Variants in CDH13 observed in about 807,000 individuals in gnomAD.
CDH13 encodes the protein cadherin-13.
A neutral mutation model predicts 63.8 loss-of-function variants in CDH13; 24 were observed. The ratio of observed to expected loss-of-function variants is 0.38; its 90% CI spans 0.27 to 0.53. The LOEUF (loss-of-function observed/expected upper bound fraction) is 0.53, where lower values mean the gene tolerates loss of function less well. Ranked by LOEUF, CDH13 falls within the 20% of genes least tolerant of loss-of-function variation. The probability of loss-of-function intolerance (pLI) is 0.85; values close to 1 mark genes in which losing one functional copy is unlikely to be tolerated. For synonymous variants in CDH13, 503 were observed against 355.3 expected, an observed-to-expected ratio of 1.42 and a Z score of -4.67; for missense variants, 1,049 against 903.1, an observed-to-expected ratio of 1.16 and a Z score of -2.07.
At chr16:83,485,251 G>T (rs2073860019) in intron 6 of CDH13, among the ~76,000 whole-genome samples, 1 of 152,184 alleles carries the variant, frequency 6.6e-6, no homozygotes, top group Non-Finnish European at 1.5e-5. Context: ...ACGTGCAGTT[G>T]TTTCTGAAAG....
chr16:83,252,076 A>AGTATATAT (rs201928957), intron 5 of CDH13, among the ~76,000 whole-genome samples: 1 of 141,076 alleles, frequency 7.1e-6, no homozygotes, highest in African/African-American at 2.6e-5. Context: ...ATATATATAT[A>AGTATATAT]GTATATATGT....
Position 83,486,526 on chromosome 16 carries a change from C to T in CDH13, c.831C>T (p.Thr277=), listed in dbSNP as rs542715718. The T allele has an allele frequency of 6.6e-5, 107 of 1,613,820 alleles. No individual in the cohort carries two copies. Among genetic ancestry groups the T allele is most frequent in the Middle Eastern group, 1.7e-4 (1 of 6,056 alleles). The change falls in exon 7 of 14, where the codon ACC becomes ACT. Residue 277 remains threonine, a synonymous_variant. Coordinates refer to ENST00000567109, the MANE Select transcript of CDH13 (RefSeq NM_001257.5). ...MTAFDADDPA[T]DNALLRYNIR... ...CCTTTGATGCAGATGACCCAGCCAC[C>T]GATAATGCCCTCCTGCGGTATAATA...
At chr16:82,691,167 C>A (rs1915608515) in intron 1 of CDH13, among the ~76,000 whole-genome samples, 1 of 152,128 alleles carries the variant, frequency 6.6e-6, no homozygotes, top group African/African-American at 2.4e-5. Flanking sequence ...CCTTCAGGGA[C>A]CCTCGTGGAG....
intron 1 of CDH13, among the ~76,000 whole-genome samples, chr16:82,817,799 C>T: frequency 6.6e-6 from 1 of 151,990 alleles, no homozygotes; most frequent in Admixed American, 6.6e-5. Context: ...AGTGAGACTC[C>T]ATCTCAAAAA....
chr16:83,667,678 G>T (rs569374195), intron 8 of CDH13, among the ~76,000 whole-genome samples: 1 of 152,190 alleles, frequency 6.6e-6, no homozygotes, highest in East Asian at 1.9e-4. Flanking sequence ...TTTTTTCTGA[G>T]ACAGGGTCTT....
intron 4 of CDH13, among the ~76,000 whole-genome samples, chr16:83,126,003 G>A (rs2035796407): frequency 6.6e-6 from 1 of 152,158 alleles, no homozygotes; most frequent in Non-Finnish European, 1.5e-5. Flanking sequence ...CAGAACAATA[G>A]CTTTTCCAGG....
chr16:83,056,398 A>C (rs1372829558), intron 3 of CDH13, among the ~76,000 whole-genome samples: 3 of 152,158 alleles, frequency 2.0e-5, no homozygotes, highest in African/African-American at 7.2e-5. Flanking sequence ...AACAACTCAA[A>C]AGTCCATCAA....
At chr16:83,726,642 T>C (rs1910422777) in intron 10 of CDH13, among the ~76,000 whole-genome samples, 1 of 152,154 alleles carries the variant, frequency 6.6e-6, no homozygotes, top group African/African-American at 2.4e-5. Context: ...AAGACCATCC[T>C]GGCTAACACG....
intron 2 of CDH13, among the ~76,000 whole-genome samples, chr16:82,860,880 T>G (rs2039916198): frequency 1.3e-5 from 2 of 152,200 alleles, no homozygotes; most frequent in Admixed American, 1.3e-4. Context: ...TGAATAAACT[T>G]TTATACCTAA....
At chr16:83,094,120 G>A (rs1333413694) in intron 3 of CDH13, among the ~76,000 whole-genome samples, 1 of 152,156 alleles carries the variant, frequency 6.6e-6, no homozygotes, top group African/African-American at 2.4e-5. Context: ...GTAACAAATA[G>A]TTACAAAATT....
intron 2 of CDH13, among the ~76,000 whole-genome samples, chr16:83,024,972 C>G (rs1243832439): frequency 6.6e-6 from 1 of 152,148 alleles, no homozygotes; most frequent in Admixed American, 6.5e-5. Flanking sequence ...CCTGTAGTAA[C>G]CATTTCCATG....
Position 82,835,699 on chromosome 16 carries a change from G to A in CDH13, c.46-22663G>A, listed in dbSNP as rs752704091. ...GCGGCCTCCCTGCTCCTGTTCTCTA[G>A]ATAGAAGTTTCCCTAGTTTTGCTGG... On this transcript the variant is annotated intron_variant, in intron 1 of 13. Coordinates refer to ENST00000567109, the MANE Select transcript of CDH13 (RefSeq NM_001257.5). Among the ~76,000 whole-genome samples the A allele has an allele frequency of 6.6e-5, 10 of 152,296 alleles. No individual in the cohort carries two copies. In the East Asian group the frequency reaches 1.9e-3, roughly 30 times the overall value.
chr16:82,812,195 G>T (rs565154412), intron 1 of CDH13, among the ~76,000 whole-genome samples: 2 of 152,244 alleles, frequency 1.3e-5, no homozygotes, highest in South Asian at 4.2e-4. Flanking sequence ...CTCTTCGAAG[G>T]ATCCTGTGCA....
At chr16:83,055,977 G>A (rs111666137) in intron 3 of CDH13, among the ~76,000 whole-genome samples, 61 of 152,146 alleles carry the variant, frequency 4.0e-4, no homozygotes, top group African/African-American at 1.4e-3. Flanking sequence ...CATTTATCTA[G>A]GACATGTTAA....
chr16:82,639,183 T>G (rs1410070307), intron 1 of CDH13, among the ~76,000 whole-genome samples: 1 of 152,242 alleles, frequency 6.6e-6, no homozygotes, highest in Admixed American at 6.5e-5. Context: ...TATTTTGTTC[T>G]CTACCTCCCT....
At chr16:82,979,624 A>C (rs185184937) in intron 2 of CDH13, among the ~76,000 whole-genome samples, 1 of 152,152 alleles carries the variant, frequency 6.6e-6, no homozygotes, top group African/African-American at 2.4e-5. Flanking sequence ...CCATGATCAT[A>C]GTTTCCTGAG....
chr16:83,769,124 T>A (rs1914596649), intron 11 of CDH13, among the ~76,000 whole-genome samples: 1 of 152,042 alleles, frequency 6.6e-6, no homozygotes, highest in Non-Finnish European at 1.5e-5. Context: ...AGTGTGGAGA[T>A]CAAGAGTACA....
Position 83,613,840 on chromosome 16 carries a change from A to T in CDH13, c.1101+11246A>T, listed in dbSNP as rs200872012. Among the ~76,000 whole-genome samples the T allele has an allele frequency of 1.6e-3, 250 of 151,994 alleles. 2 individuals carry two copies. Among genetic ancestry groups the T allele is most frequent in the Middle Eastern group, 3.4e-3 (1 of 294 alleles). ...AGAATGAGAGTCTGCCTCAAAAAAAATTTTTTTTAATTAATAAATAATAAT... is the reference window on the plus strand; with the variant it reads ...AGAATGAGAGTCTGCCTCAAAAAAATTTTTTTTTAATTAATAAATAATAAT... On this transcript the variant is annotated intron_variant, in intron 8 of 13. Coordinates refer to ENST00000567109, the MANE Select transcript of CDH13 (RefSeq NM_001257.5).
At chr16:83,551,180 C>G (rs540091662) in intron 7 of CDH13, among the ~76,000 whole-genome samples, 1 of 152,208 alleles carries the variant, frequency 6.6e-6, no homozygotes, top group Non-Finnish European at 1.5e-5. Context: ...CTCCCGGGTT[C>G]AAGTGATTCT....
Sources: allele counts gnomAD v4.1 joint callset (sites outside exome capture counted in the v4.1 genomes callset), GRCh38; gene constraint gnomAD v4.1.1; transcripts MANE v1.5; gene names NCBI Gene and HGNC (gene_info 2026-07-23, HGNC 2026-07-21).